The following LAMA3 variants were observed in gnomAD, a reference collection of about 807,000 sequenced individuals.
LAMA3 encodes the protein laminin subunit alpha 3, also known as laminin subunit alpha-3.
LAMA3 carries 281 observed loss-of-function variants against 402.0 expected under a neutral mutation model. The observed-to-expected ratio is 0.70, with a 90% CI of 0.63 to 0.77. The LOEUF is 0.77. LAMA3 is among the 30% of genes least tolerant of loss of function. The pLI is 0.00. For missense variants in LAMA3, 3,840 were observed against 4,215.5 expected (o/e 0.91, Z 2.47); for synonymous variants, 1,431 against 1,558.4 (o/e 0.92, Z 1.93).
intron 42 of LAMA3, among the ~76,000 whole-genome samples, chr18:23,892,635 G>A (rs2080716800): frequency 6.6e-6 from 1 of 152,072 alleles, no homozygotes; most frequent in Non-Finnish European, 1.5e-5. Flanking sequence ...GGGCATGGTG[G>A]CTCATGCCTG....
intron 62 of LAMA3, among the ~76,000 whole-genome samples, chr18:23,925,275 G>A (rs1057351276): frequency 6.6e-6 from 1 of 152,202 alleles, no homozygotes; most frequent in Non-Finnish European, 1.5e-5. Context: ...CCCTCTCACT[G>A]TAGTGTTTCT....
In LAMA3 at chr18:23,952,887, A is replaced by T. The variant is rs995107599; in HGVS notation, c.9737-103A>T. 3.3e-6 allele frequency: 5 copies of T among 1,504,512 alleles called. No individual in the cohort carries two copies. The African/African-American group carries it at 6.9e-5, about 21-fold the overall frequency. The allele number at this position is 1,504,512 out of a possible 1,614,324, so 93.2% of individuals were successfully genotyped here. A position where few individuals can be genotyped will look rare whatever the true frequency, so the allele number is the denominator to read the frequency against. On this transcript the variant is annotated intron_variant, in intron 73 of 74. Transcript: ENST00000313654. ...AGCTGACCAAATTTCTGCAAACAGC[A>T]CTCCCACAGGTCTAGTATGAAGGAG...
chr18:23,933,669 A>G, intron 66 of LAMA3, 113 bp from the exon 67 acceptor site: 2 of 1,136,378 alleles, frequency 1.8e-6, no homozygotes. Flanking sequence ...CCCATTAACC[A>G]ACCCCTCTTC....
At chr18:23,793,013 G>T (rs1186461696) in intron 12 of LAMA3, among the ~76,000 whole-genome samples, 1 of 152,122 alleles carries the variant, frequency 6.6e-6, no homozygotes, top group Non-Finnish European at 1.5e-5. Flanking sequence ...CATGCTGTAG[G>T]GGCCACATGG....
At chr18:23,907,412 T>TG (rs1314347293) in intron 52 of LAMA3, 138 bp from the exon 53 acceptor site, 1 of 747,004 alleles carries the variant, frequency 1.3e-6, no homozygotes, top group Admixed American at 1.8e-5. Flanking sequence ...GCACATGCAG[T>TG]GGGCATCTCT....
At chr18:23,706,522 G>T (rs12455237) in intron 1 of LAMA3, among the ~76,000 whole-genome samples, 6,607 of 152,194 alleles carry the variant, frequency 0.043, 398 homozygotes, top group Admixed American at 0.17. Context: ...ATTGTGGTCT[G>T]CCTTGATCAC....
At position 23,748,035 on chromosome 18, in the gene LAMA3, C is replaced by G; in HGVS notation, c.540C>G (p.Thr180=). The G allele has an allele frequency of 6.2e-7, 1 of 1,609,758 alleles. No individual in the cohort carries two copies. Among genetic ancestry groups the G allele is most frequent in the Non-Finnish European group, 8.5e-7 (1 of 1,175,990 alleles). ...AAAGATCTGTAGACTTTGGAAGCAC[C>G]TACTCACCATGGCAATATTTTGCTC... The part of the protein sequence containing the change: ...VLERSVDFGS[T]YSPWQYFAHS... The change falls in exon 3 of 75, where the codon ACC becomes ACG. Residue 180 remains threonine (T), a synonymous_variant. Transcript: ENST00000313654.
rs200008950 is a variant in LAMA3, at chr18:23,914,540, T to C, written c.7460T>C (p.Met2487Thr). ...LTKSETKEAVMDRVKFQRIYQ... is the reference protein window; with the variant it reads ...LTKSETKEAVTDRVKFQRIYQ... The stretch of plus-strand genomic sequence containing the variant: ...AAGAGTGAGACTAAGGAGGCAGTTA[T>C]GGATCGGGTGAAATTTCAGAGGTAC... The change falls in exon 57 of 75, where the codon ATG (methionine) becomes ACG (threonine). Residue 2487 changes from methionine to threonine, a missense_variant. By Grantham distance (81) the Met-to-Thr change is moderately conservative (BLOSUM62 -1). Transcript: ENST00000313654. 9.9e-6 allele frequency: 16 copies of C among 1,614,208 alleles called. No individual in the cohort carries two copies. The East Asian group carries it at 3.1e-4, about 31-fold the overall frequency.
chr18:23,937,489 ACTGAATGC>A (rs1342790532), intron 67 of LAMA3, among the ~76,000 whole-genome samples: 1 of 152,102 alleles, frequency 6.6e-6, no homozygotes, highest in African/African-American at 2.4e-5. Context: ...GGACATGAGA[ACTGAATGC>A]CTGAATGCAT....
intron 55 of LAMA3, among the ~76,000 whole-genome samples, chr18:23,910,824 T>G (rs2081402650): frequency 6.6e-6 from 1 of 152,184 alleles, no homozygotes; most frequent in Non-Finnish European, 1.5e-5. Context: ...TGTAGATAAA[T>G]GTGTACAGGT....
intron 40 of LAMA3, among the ~76,000 whole-genome samples, chr18:23,882,525 G>A (rs971561041): frequency 2.0e-5 from 3 of 151,540 alleles, no homozygotes; most frequent in Non-Finnish European, 4.4e-5. Flanking sequence ...CAGGAGAATC[G>A]CTTGAACCCA....
chr18:23,904,261 G>A (rs2081167226), intron 50 of LAMA3, among the ~76,000 whole-genome samples, 174 bp downstream of exon 50: 1 of 152,088 alleles, frequency 6.6e-6, no homozygotes, highest in Admixed American at 6.5e-5. Context: ...CAGCAATAAG[G>A]GCACTAATTC....
intron 19 of LAMA3, among the ~76,000 whole-genome samples, chr18:23,820,659 G>T (rs918713788): frequency 2.0e-5 from 3 of 152,070 alleles, no homozygotes; most frequent in African/African-American, 7.2e-5. Context: ...AAAAAATTCT[G>T]TATAGCCATT....
intron 12 of LAMA3, among the ~76,000 whole-genome samples, chr18:23,793,874 T>A (rs1474053185): frequency 1.3e-5 from 2 of 152,180 alleles, no homozygotes; most frequent in African/African-American, 4.8e-5. Flanking sequence ...CTCTGGAACT[T>A]CTGACGAAGC....
intron 19 of LAMA3, 144 bp downstream of exon 19, chr18:23,820,141 G>A: frequency 1.2e-6 from 1 of 852,764 alleles, no homozygotes; most frequent in Non-Finnish European, 1.9e-6. Context: ...TGGCATTGGA[G>A]TTTAGGTTAA....
At chr18:23,710,232 G>A in intron 1 of LAMA3, 1 of 618,212 alleles carries the variant, frequency 1.6e-6, no homozygotes, top group East Asian at 3.4e-5. Context: ...CAAAACCTTC[G>A]TTTTGGCTTC....
chr18:23,712,703 A>C (rs2061018943), intron 1 of LAMA3, among the ~76,000 whole-genome samples: 1 of 148,660 alleles, frequency 6.7e-6, no homozygotes, highest in Non-Finnish European at 1.5e-5. Context: ...CTAGATGAAA[A>C]CATGTGGTCA....
chr18:23,914,679 C>A lies in LAMA3; in HGVS notation c.7482-19C>A, dbSNP rs751285403. On this transcript the variant is annotated intron_variant, in intron 57 of 74. Transcript: ENST00000313654. The stretch of plus-strand genomic sequence containing the variant: ...CAAATTTTTTGTTTAACTTTATTAT[C>A]TAAATTCATTTTAAACAGAATTTAT... 6.2e-7 allele frequency: 1 copy of A among 1,603,140 alleles called. No individual in the cohort carries two copies. Among genetic ancestry groups the A allele is most frequent in the Non-Finnish European group, 8.5e-7 (1 of 1,173,090 alleles).
intron 50 of LAMA3, 32 bp downstream of exon 50, chr18:23,904,119 A>G (rs1272721265): frequency 2.7e-5 from 43 of 1,611,128 alleles, no homozygotes; most frequent in Non-Finnish European, 3.6e-5. Flanking sequence ...CCAGAAGGGC[A>G]CGTGGGCTGA....
Sources: allele counts gnomAD v4.1 joint callset (sites outside exome capture counted in the v4.1 genomes callset), GRCh38; gene constraint gnomAD v4.1.1; transcripts MANE v1.5; gene names NCBI Gene and HGNC (gene_info 2026-07-23, HGNC 2026-07-21).